The following IL13RA1 variants were observed in gnomAD, a reference collection of about 807,000 sequenced individuals.
The protein encoded by IL13RA1 is interleukin 13 receptor subunit alpha 1, also known as interleukin-13 receptor subunit alpha-1.
Under a neutral mutation model 33.8 loss-of-function variants are expected in IL13RA1, and 14 were observed. The ratio of observed to expected loss-of-function variants is 0.41; its 90% CI spans 0.27 to 0.65. IL13RA1 has a LOEUF of 0.65. Among genes scored for constraint, IL13RA1 ranks in the 30% least tolerant of loss-of-function variants. IL13RA1 has a pLI of 0.28. For synonymous variants in IL13RA1, 116 were observed against 115.7 expected (o/e 1.00, Z -0.02); for missense variants, 313 against 327.0 (o/e 0.96, Z 0.33).
At chrX:118,737,819 A>C (rs767320751) in intron 1 of IL13RA1, among the ~76,000 whole-genome samples, 4 of 111,623 alleles carry the variant, frequency 3.6e-5, no homozygotes, top group Admixed American at 9.5e-5. Flanking sequence ...AGTGGGAGGT[A>C]GGTGGGTAGG....
At chrX:118,772,617 A>G (rs926658710) in intron 8 of IL13RA1, among the ~76,000 whole-genome samples, 1 of 112,424 alleles carries the variant, frequency 8.9e-6, no homozygotes, top group South Asian at 3.6e-4. Flanking sequence ...CCTATGTGAT[A>G]TGTTCCAGTT....
the IL13RA1 span, among the ~76,000 whole-genome samples, chrX:118,803,963 T>TTTC: frequency 9.6e-4 from 62 of 64,451 alleles, 1 homozygote; most frequent in African/African-American, 3.0e-3. Flanking sequence ...TCTTTCTTTC[T>TTTC]TTTTTTTTTT....
At chrX:118,799,535 C>G (rs1228783658), downstream of IL13RA1, among the ~76,000 whole-genome samples, 3 of 111,510 alleles carry the variant, frequency 2.7e-5, no homozygotes, top group Admixed American at 9.4e-5. Flanking sequence ...CACTCTGTAT[C>G]TAGCTGCTCT....
Position 118,754,691 on chromosome X carries a change from C to T in IL13RA1, c.489-3364C>T, listed in dbSNP as rs187865913. On this transcript the variant is annotated intron_variant, in intron 4 of 10. Transcript: ENST00000371666. ...TATTGTTATTATCCCCACTCCTTTGCAGATGCAGTCAGTACACAGCGCTGG... is the reference window on the plus strand; with the variant it reads ...TATTGTTATTATCCCCACTCCTTTGTAGATGCAGTCAGTACACAGCGCTGG... 4.7e-3 allele frequency among the ~76,000 whole-genome samples: 517 copies of T among 109,809 alleles called. 1 individual carries two copies. The highest frequency in any genetic ancestry group is 0.016 in the African/African-American group (474 of 30,174).
intron 1 of IL13RA1, among the ~76,000 whole-genome samples, chrX:118,730,108 T>A (rs1490861223): frequency 8.9e-6 from 1 of 112,078 alleles, no homozygotes; most frequent in Non-Finnish European, 1.9e-5. Flanking sequence ...AGTTTGAGCC[T>A]GGCCAACATG....
intron 10 of IL13RA1, among the ~76,000 whole-genome samples, chrX:118,790,530 G>C (rs1266057833): frequency 8.9e-6 from 1 of 111,763 alleles, no homozygotes; most frequent in African/African-American, 3.2e-5. Context: ...CATGTGGTAA[G>C]TGTATGTGTT....
At chrX:118,789,592 A>C (rs1199517570) in intron 10 of IL13RA1, among the ~76,000 whole-genome samples, 3 of 111,455 alleles carry the variant, frequency 2.7e-5, no homozygotes, top group Non-Finnish European at 5.7e-5. Context: ...TGGTTTGTAA[A>C]GCTCTTTACG....
chrX:118,759,126 A>G (rs1446807042), intron 5 of IL13RA1, among the ~76,000 whole-genome samples: 2 of 112,170 alleles, frequency 1.8e-5, no homozygotes, highest in African/African-American at 6.5e-5. Flanking sequence ...CTGATCAGTT[A>G]GAAAAACCAG....
intron 8 of IL13RA1, chrX:118,770,878 C>T (rs1049954826): frequency 2.3e-5 from 6 of 259,289 alleles, no homozygotes; most frequent in Non-Finnish European, 3.6e-5. Flanking sequence ...AGCTTTCCAA[C>T]GACCCTTCCT....
In IL13RA1 at chrX:118,762,292, A is replaced by G. The variant is rs138460987; in HGVS notation, c.828+1003A>G. Among the ~76,000 whole-genome samples the G allele has an allele frequency of 3.0e-3, 339 of 112,696 alleles. 1 individual carries two copies. Among genetic ancestry groups the G allele is most frequent in the African/African-American group, 0.01 (324 of 31,039 alleles). ...GAATTTTTTGCCCAGATTTTAAATC[A>G]TAGTACTTTAAGAGTGTGTGTCCAT... On this transcript the variant is annotated intron_variant, in intron 6 of 10. Coordinates refer to ENST00000371666, the MANE Select transcript of IL13RA1 (RefSeq NM_001560.3).
chrX:118,735,187 A>G (rs767047154), intron 1 of IL13RA1, among the ~76,000 whole-genome samples: 4 of 109,453 alleles, frequency 3.7e-5, no homozygotes, highest in Non-Finnish European at 7.6e-5. Flanking sequence ...TTCATTTTTG[A>G]TTTTAGTAAT....
At chrX:118,798,708 A>G (rs2018045652), downstream of IL13RA1, among the ~76,000 whole-genome samples, 1 of 112,272 alleles carries the variant, frequency 8.9e-6, no homozygotes, top group South Asian at 3.7e-4. Context: ...GAAAGGTTGC[A>G]TGGGAGGTGA....
At chrX:118,738,595 G>A (rs1379275977) in intron 1 of IL13RA1, among the ~76,000 whole-genome samples, 1 of 111,254 alleles carries the variant, frequency 9.0e-6, no homozygotes, top group African/African-American at 3.3e-5. Context: ...GTATATATGT[G>A]CCACATTATC....
At chrX:118,735,459 C>T (rs2147364687) in intron 1 of IL13RA1, among the ~76,000 whole-genome samples, 1 of 112,045 alleles carries the variant, frequency 8.9e-6, no homozygotes, top group East Asian at 2.8e-4. Context: ...ATAAATTTTT[C>T]CAATAGTACT....
chrX:118,796,598 C>T (rs2018033256), downstream of IL13RA1, among the ~76,000 whole-genome samples: 1 of 111,743 alleles, frequency 8.9e-6, no homozygotes, highest in African/African-American at 3.3e-5. Context: ...AGTGCAATGG[C>T]ACAATCTCAG....
At chrX:118,748,006 TG>T (rs1324349863) in intron 3 of IL13RA1, among the ~76,000 whole-genome samples, 10 of 9,659 alleles carry the variant, frequency 1.0e-3, no homozygotes, top group African/African-American at 5.1e-3. Flanking sequence ...GAGTGAATGT[TG>T]TGTGTGTGTG....
chrX:118,799,118 T>G (rs1025631361), downstream of IL13RA1, among the ~76,000 whole-genome samples: 4 of 112,584 alleles, frequency 3.6e-5, no homozygotes, highest in Non-Finnish European at 7.5e-5. Context: ...CTGCGGAGGG[T>G]GTACTGAGTC....
In IL13RA1 at chrX:118,741,134, AT is replaced by A; in HGVS notation, c.210del (p.Phe70LeufsTer9). ...AATTGTAGTCTATGGTATTTTAGTC[AT>A]TTTGGCGACAAACAAGATAAGGTAA... is the stretch of plus-strand genomic sequence containing the variant. ...SSNCSLWYFSHFGDKQDKKIA... is the reference protein window; with the variant it reads ...SSNCSLWYFSXFGDKQDKKIA... On this transcript the variant is annotated frameshift_variant, in exon 2 of 11. Transcript: ENST00000371666. LOFTEE classifies it high-confidence loss of function. 1 of 1,169,215 alleles carries A rather than the reference AT, an allele frequency of 8.6e-7. No individual in the cohort carries two copies. The highest frequency in any genetic ancestry group is 1.2e-6 in the Non-Finnish European group (1 of 857,179).
At chrX:118,766,800 ATAAAC>A (rs749690509) in intron 7 of IL13RA1, 39 bp from the exon 8 acceptor site, 1 of 768,508 alleles carries the variant, frequency 1.3e-6, no homozygotes, top group East Asian at 3.2e-5. Flanking sequence ...GTGAAAAAGA[ATAAAC>A]TGGTAATATT....
Sources: gnomAD v4.1 joint callset for allele counts (sites outside exome capture counted in the v4.1 genomes callset) on GRCh38, gnomAD v4.1.1 for gene constraint, MANE v1.5 for transcripts, NCBI Gene and HGNC (gene_info 2026-07-23, HGNC 2026-07-21) for gene names.